The following RAB30 variants were observed in gnomAD, a reference collection of about 807,000 sequenced individuals.
The protein encoded by RAB30 is ras-related protein Rab-30.
In RAB30, 9 loss-of-function variants were observed where a neutral mutation model predicts 25.1. That is an observed-to-expected ratio of 0.36 (90% confidence interval 0.22 to 0.63). The LOEUF is 0.63. Ranked by LOEUF, RAB30 falls within the 20% of genes least tolerant of loss-of-function variation. The pLI is 0.69. For missense variants in RAB30, 140 were observed against 243.5 expected (o/e 0.58, Z 2.83); for synonymous variants, 77 against 86.4 (o/e 0.89, Z 0.60).
At chr11:83,066,607 A>G (rs1365087982) in intron 1 of RAB30, among the ~76,000 whole-genome samples, 2 of 152,204 alleles carry the variant, frequency 1.3e-5, no homozygotes, top group African/African-American at 4.8e-5. Flanking sequence ...GTAGAGTGCC[A>G]TGGCACAATC....
intron 1 of RAB30, among the ~76,000 whole-genome samples, chr11:83,007,370 T>C (rs940176820): frequency 6.6e-6 from 1 of 152,092 alleles, no homozygotes; most frequent in Non-Finnish European, 1.5e-5. Flanking sequence ...AAATGAAAAA[T>C]AAAGCAGGCC....
chr11:82,995,443 C>T (rs1187818760), intron 2 of RAB30, among the ~76,000 whole-genome samples: 5 of 152,162 alleles, frequency 3.3e-5, no homozygotes, highest in African/African-American at 4.8e-5. Context: ...AGAAGTTAAA[C>T]GAATTCTTCC....
chr11:83,047,486 C>T (rs928018259), intron 1 of RAB30, among the ~76,000 whole-genome samples: 6 of 152,146 alleles, frequency 3.9e-5, no homozygotes, highest in African/African-American at 7.2e-5. Flanking sequence ...TTCTTTTTCC[C>T]TCTATTGTTG....
chr11:83,016,983 T>C lies in RAB30; in HGVS notation c.-8-19659A>G, dbSNP rs149347244. 8.5e-5 allele frequency among the ~76,000 whole-genome samples: 13 copies of C among 152,184 alleles called. No homozygotes were observed. In the East Asian group the frequency reaches 2.5e-3, roughly 29 times the overall value. On this transcript the variant is annotated intron_variant, in intron 1 of 4. Transcript: ENST00000527633. ...AGAGTTGGAGGGGAGGATGGGGACATGGAAAAATCACAGTGCAATGTAAGT... is the reference window on the plus strand; with the variant it reads ...AGAGTTGGAGGGGAGGATGGGGACACGGAAAAATCACAGTGCAATGTAAGT...
chr11:82,992,452 C>T, intron 3 of RAB30: 1 of 451,412 alleles, frequency 2.2e-6, no homozygotes, highest in Non-Finnish European at 4.5e-6. Context: ...TCAAGGACCT[C>T]CTCCTAAACA....
At chr11:83,067,167 C>T (rs193211636) in intron 1 of RAB30, among the ~76,000 whole-genome samples, 2 of 152,290 alleles carry the variant, frequency 1.3e-5, no homozygotes, top group African/African-American at 2.4e-5. Flanking sequence ...TGATTATTTA[C>T]GTTTGTCTCC....
intron 1 of RAB30, among the ~76,000 whole-genome samples, chr11:83,003,627 G>A (rs1857131582): frequency 6.6e-6 from 1 of 151,942 alleles, no homozygotes; most frequent in Admixed American, 6.6e-5. Context: ...CTCCATGTTG[G>A]TCAGACTGGT....
chr11:83,014,879 G>A (rs189951060), intron 1 of RAB30, among the ~76,000 whole-genome samples: 123 of 151,870 alleles, frequency 8.1e-4, no homozygotes, highest in African/African-American at 2.8e-3. Flanking sequence ...AGGAAGGGGC[G>A]AGTCAAGCAC....
chr11:83,069,761 T>C (rs974348721), intron 1 of RAB30, among the ~76,000 whole-genome samples: 5 of 152,202 alleles, frequency 3.3e-5, no homozygotes, highest in Admixed American at 2.6e-4. Flanking sequence ...AAAGGAAAAG[T>C]GGCATGAGCC....
At position 82,974,763 on chromosome 11, in the gene RAB30, T is replaced by C. The variant is rs1476271979; in HGVS notation, c.*7402A>G. 3.3e-5 allele frequency: 5 copies of C among 152,080 alleles called. No homozygotes were observed. Among genetic ancestry groups the C allele is most frequent in the South Asian group, 2.1e-4 (1 of 4,830 alleles). 9.4% of individuals were successfully genotyped at this position (152,080 alleles called of 1,614,324 possible). A position where few individuals can be genotyped will look rare whatever the true frequency, so the allele number is the denominator to read the frequency against. The stretch of plus-strand genomic sequence containing the variant: ...CTTCATAAAGCAGCTTCTCTAAATA[T>C]TTTAACTAGCTGCTGAGATCTCCAG... On this transcript the variant is annotated 3_prime_UTR_variant, in exon 5 of 5. Coordinates refer to ENST00000527633, the MANE Select transcript of RAB30 (RefSeq NM_001286060.2).
chr11:83,045,680 C>T (rs1356033485), intron 1 of RAB30, among the ~76,000 whole-genome samples: 1 of 152,158 alleles, frequency 6.6e-6, no homozygotes, highest in Non-Finnish European at 1.5e-5. Flanking sequence ...GTCTCCTCAG[C>T]TGTAAAATGG....
intron 4 of RAB30, among the ~76,000 whole-genome samples, chr11:82,984,432 G>A (rs1223744238): frequency 3.3e-5 from 5 of 152,134 alleles, no homozygotes; most frequent in Non-Finnish European, 5.9e-5. Context: ...CTGGGTAGGA[G>A]GTCCTGGAAA....
chr11:83,009,045 T>C (rs1032533497), intron 1 of RAB30, among the ~76,000 whole-genome samples: 1 of 152,010 alleles, frequency 6.6e-6, no homozygotes, highest in Non-Finnish European at 1.5e-5. Flanking sequence ...CAACAAGTAT[T>C]TATTAAAGAA....
chr11:83,039,227 A>G (rs555840724), intron 1 of RAB30: 4 of 152,340 alleles, frequency 2.6e-5, no homozygotes, highest in African/African-American at 9.6e-5. Context: ...ATTCCAATGA[A>G]TATTTCTTGA....
intron 3 of RAB30, among the ~76,000 whole-genome samples, chr11:82,991,126 T>C (rs1212551098): frequency 6.6e-6 from 1 of 152,114 alleles, no homozygotes; most frequent in East Asian, 1.9e-4. Context: ...CCACTGACTT[T>C]ATGAGGCTCT....
At chr11:82,993,869 C>T (rs1258769153) in intron 3 of RAB30, among the ~76,000 whole-genome samples, 170 bp downstream of exon 3, 1 of 152,168 alleles carries the variant, frequency 6.6e-6, no homozygotes, top group Non-Finnish European at 1.5e-5. Flanking sequence ...AAATTCCTTC[C>T]TTCCCCCATA....
chr11:83,054,270 T>C (rs1253060821), intron 1 of RAB30, among the ~76,000 whole-genome samples: 4 of 152,244 alleles, frequency 2.6e-5, no homozygotes, highest in Admixed American at 6.5e-5. Context: ...GCCAGCATTA[T>C]GACCATACTG....
intron 1 of RAB30, among the ~76,000 whole-genome samples, chr11:83,060,401 T>C (rs1298556146): frequency 6.6e-6 from 1 of 152,212 alleles, no homozygotes; most frequent in African/African-American, 2.4e-5. Flanking sequence ...AATCTCAAGA[T>C]ATCACCTCAC....
chr11:83,043,530 T>A (rs188346949), intron 1 of RAB30, among the ~76,000 whole-genome samples: 71 of 152,358 alleles, frequency 4.7e-4, no homozygotes, highest in Middle Eastern at 3.4e-3. Flanking sequence ...ATGGAATCAA[T>A]ATTAAATTTC....
Sources: allele counts gnomAD v4.1 joint callset (sites outside exome capture counted in the v4.1 genomes callset), GRCh38; gene constraint gnomAD v4.1.1; transcripts MANE v1.5; gene names NCBI Gene and HGNC (gene_info 2026-07-23, HGNC 2026-07-21).